Variants in SFXN5 observed in about 807,000 individuals in gnomAD.
SFXN5 encodes the protein sideroflexin-5.
SFXN5 carries 43 observed loss-of-function variants against 50.2 expected under a neutral mutation model. The observed-to-expected ratio is 0.86, with a 90% CI of 0.67 to 1.11. The LOEUF (loss-of-function observed/expected upper bound fraction) is 1.11. SFXN5 is among the 50% of genes least tolerant of loss of function. SFXN5 has a pLI of 0.00. For missense variants in SFXN5, 463 were observed against 454.1 expected (o/e 1.02, Z -0.18); for synonymous variants, 203 against 185.8 (o/e 1.09, Z -0.75).
intron 2 of SFXN5, among the ~76,000 whole-genome samples, chr2:73,047,247 T>TATATATATATATATATATATATATACAC (rs1559199552): frequency 5.1e-5 from 1 of 19,462 alleles, no homozygotes; most frequent in East Asian, 1.6e-3. Flanking sequence ...AAAAAAAAAA[T>TATATATATATATATATATATATATACAC]ATATATATAT....
chr2:73,054,825 A>C (rs1458402587), intron 2 of SFXN5, among the ~76,000 whole-genome samples: 1 of 152,244 alleles, frequency 6.6e-6, no homozygotes, highest in East Asian at 1.9e-4. Flanking sequence ...CTAGAATCAC[A>C]CATTAGGTGG....
intron 1 of SFXN5, 60 bp from the exon 2 acceptor site, chr2:73,058,656 A>T (rs1682450343): frequency 1.7e-5 from 25 of 1,481,032 alleles, no homozygotes; most frequent in Non-Finnish European, 2.3e-5. Flanking sequence ...CCTTCTCCAG[A>T]CACTGGAGAG....
At chr2:72,989,145 C>G (rs964075772) in intron 9 of SFXN5, among the ~76,000 whole-genome samples, 5 of 152,190 alleles carry the variant, frequency 3.3e-5, no homozygotes, top group Admixed American at 2.0e-4. Context: ...TTCCCCTCTC[C>G]CCCAAAAACC....
chr2:72,984,211 T>C (rs563501115), intron 10 of SFXN5, among the ~76,000 whole-genome samples: 1 of 152,346 alleles, frequency 6.6e-6, no homozygotes, highest in South Asian at 2.1e-4. Flanking sequence ...TCCCACACGA[T>C]TGCTGTTCTA....
intron 1 of SFXN5, among the ~76,000 whole-genome samples, chr2:73,065,904 T>C (rs1000202918): frequency 5.9e-5 from 9 of 152,174 alleles, no homozygotes; most frequent in African/African-American, 2.2e-4. Context: ...TGGGAGAAAG[T>C]ATGTGTGTTT....
At chr2:72,970,330 G>A (rs574674211) in intron 11 of SFXN5, among the ~76,000 whole-genome samples, 1 of 152,344 alleles carries the variant, frequency 6.6e-6, no homozygotes, top group African/African-American at 2.4e-5. Context: ...GTATGGGAAT[G>A]ACAGGAGGGT....
chr2:72,980,169 C>T (rs959937135), intron 10 of SFXN5, among the ~76,000 whole-genome samples: 2 of 152,070 alleles, frequency 1.3e-5, no homozygotes, highest in Admixed American at 6.6e-5. Flanking sequence ...CTTCCTTCCA[C>T]CGTTGTGGGC....
intron 1 of SFXN5, among the ~76,000 whole-genome samples, chr2:73,066,587 G>T (rs1683194521): frequency 6.6e-6 from 1 of 151,812 alleles, no homozygotes. Flanking sequence ...ATACAAAAGA[G>T]AAATACCCAA....
intron 10 of SFXN5, among the ~76,000 whole-genome samples, chr2:72,980,693 A>T (rs1251268320): frequency 6.6e-6 from 1 of 152,168 alleles, no homozygotes; most frequent in South Asian, 2.1e-4. Flanking sequence ...ATCTTTTTAA[A>T]AAGCCCCTTT....
At chr2:73,060,523 A>G (rs916405416) in intron 1 of SFXN5, among the ~76,000 whole-genome samples, 5 of 152,166 alleles carry the variant, frequency 3.3e-5, no homozygotes, top group African/African-American at 1.2e-4. Flanking sequence ...AGAGACAACT[A>G]GATGCACTGT....
In SFXN5 at chr2:72,950,467, G is replaced by C. The variant is rs928832737; in HGVS notation, c.946-5368C>G. The stretch of plus-strand genomic sequence containing the variant: ...CTCTCTGGCCATGGCCAGGTGTTGG[G>C]TCAGTGGCCACCATCTCTAGGTCTC... On this transcript the variant is annotated intron_variant, in intron 13 of 13. Transcript: ENST00000272433. This position sits in a 1 kb window ranked among gnomAD's most constrained non-coding sequence, Gnocchi z 4.2. Among the ~76,000 whole-genome samples the C allele has an allele frequency of 6.6e-6, 1 of 152,176 alleles. No homozygotes were observed. The highest frequency in any genetic ancestry group is 1.5e-5 in the Non-Finnish European group (1 of 68,022).
chr2:73,023,053 G>C (rs962100120), intron 4 of SFXN5, 135 bp downstream of exon 4: 20 of 762,242 alleles, frequency 2.6e-5, no homozygotes, highest in Admixed American at 5.5e-5. Context: ...CAGAAGGAAG[G>C]GGTGAGGGGG....
intron 6 of SFXN5, among the ~76,000 whole-genome samples, chr2:73,002,056 G>C (rs1237669688): frequency 6.6e-6 from 1 of 152,154 alleles, no homozygotes; most frequent in Non-Finnish European, 1.5e-5. Flanking sequence ...CCTTCCCGTA[G>C]GATTTTTGCG....
chr2:72,965,250 C>T (rs370420708), intron 12 of SFXN5, among the ~76,000 whole-genome samples: 5 of 152,164 alleles, frequency 3.3e-5, no homozygotes, highest in East Asian at 1.9e-4. Flanking sequence ...CAGAATGATG[C>T]GGAGTTTGGC....
At chr2:72,985,504 G>A (rs1009483898) in intron 10 of SFXN5, among the ~76,000 whole-genome samples, 4 of 145,122 alleles carry the variant, frequency 2.8e-5, no homozygotes, top group Admixed American at 7.2e-5. Context: ...AGGGCAGTCC[G>A]CAAGTGTCCA....
intron 2 of SFXN5, among the ~76,000 whole-genome samples, chr2:73,047,725 A>G (rs943644525): frequency 2.0e-5 from 3 of 152,146 alleles, no homozygotes; most frequent in Admixed American, 2.0e-4. Context: ...TGGAACTATG[A>G]GTCCATTAAA....
At chr2:73,056,454 G>A (rs1402271123) in intron 2 of SFXN5, among the ~76,000 whole-genome samples, 4 of 151,998 alleles carry the variant, frequency 2.6e-5, no homozygotes, top group Non-Finnish European at 4.4e-5. Flanking sequence ...GGGAGGCTGA[G>A]GTGGGTGGAT....
intron 6 of SFXN5, among the ~76,000 whole-genome samples, chr2:73,009,451 G>A (rs1675206753): frequency 6.6e-6 from 1 of 152,228 alleles, no homozygotes; most frequent in South Asian, 2.1e-4. Flanking sequence ...TTCAAATCCA[G>A]TGGTTCCTCT....
At chr2:73,018,854 G>A (rs1476952840) in intron 6 of SFXN5, among the ~76,000 whole-genome samples, 1 of 152,158 alleles carries the variant, frequency 6.6e-6, no homozygotes, top group Non-Finnish European at 1.5e-5. Context: ...CACACCACCT[G>A]CTGCAACCCA....
Sources: allele counts gnomAD v4.1 joint callset (sites outside exome capture counted in the v4.1 genomes callset), GRCh38; gene constraint gnomAD v4.1.1; non-coding constraint Gnocchi (gnomAD v3.1); transcripts MANE v1.5; gene names NCBI Gene and HGNC (gene_info 2026-07-23, HGNC 2026-07-21).